The following CACNG2 variants were observed in gnomAD, a reference collection of about 807,000 sequenced individuals.
The protein encoded by CACNG2 is voltage-dependent calcium channel gamma-2 subunit.
A neutral mutation model predicts 25.9 loss-of-function variants in CACNG2; 3 were observed. That is an observed-to-expected ratio of 0.12 (90% CI 0.05 to 0.30). The LOEUF (loss-of-function observed/expected upper bound fraction) is 0.30. Ranked by LOEUF, CACNG2 falls within the 10% of genes least tolerant of loss-of-function variation. CACNG2 has a pLI of 1.00. For missense variants in CACNG2, 341 were observed against 432.5 expected, an observed-to-expected ratio of 0.79 and a Z score of 1.88; for synonymous variants, 167 against 173.3, an observed-to-expected ratio of 0.96 and a Z score of 0.29.
intron 1 of CACNG2, among the ~76,000 whole-genome samples, chr22:36,680,712 TCACCATCACCAC>T (rs1937108522): frequency 3.4e-5 from 4 of 118,328 alleles, no homozygotes; most frequent in African/African-American, 6.5e-5. Flanking sequence ...ACTACCACCA[TCACCATCACCAC>T]TACCATCACC....
intron 1 of CACNG2, among the ~76,000 whole-genome samples, chr22:36,668,872 T>C (rs1228085449): frequency 2.0e-5 from 3 of 152,136 alleles, no homozygotes; most frequent in Non-Finnish European, 2.9e-5. Context: ...CAGGAGAAGA[T>C]GGATGTCCCA....
At chr22:36,653,978 GTCTC>G (rs1189381417) in intron 1 of CACNG2, among the ~76,000 whole-genome samples, 6 of 77,416 alleles carry the variant, frequency 7.8e-5, no homozygotes, top group African/African-American at 3.1e-4. Flanking sequence ...GTGTGTGTGT[GTCTC>G]TGTGTGTGTG....
chr22:36,623,011 G>GATTTTTTTT (rs1569032646), intron 1 of CACNG2, among the ~76,000 whole-genome samples: 1 of 93,224 alleles, frequency 1.1e-5, no homozygotes, highest in African/African-American at 4.4e-5. Flanking sequence ...TCAAAACATG[G>GATTTTTTTT]GTTTTTTTTT....
intron 1 of CACNG2, among the ~76,000 whole-genome samples, chr22:36,669,348 G>GA (rs111647211): frequency 6.8e-5 from 10 of 148,012 alleles, no homozygotes; most frequent in East Asian, 2.0e-4. Context: ...CTAAAAATAC[G>GA]AAAAAAAAAA....
chr22:36,664,443 T>C (rs1031679115), intron 1 of CACNG2, among the ~76,000 whole-genome samples: 6 of 152,196 alleles, frequency 3.9e-5, no homozygotes, highest in African/African-American at 1.4e-4. Context: ...CTCGAGAGCG[T>C]CCCTGGGTGC....
intron 1 of CACNG2, among the ~76,000 whole-genome samples, chr22:36,631,737 C>CT (rs131828): frequency 0.27 from 30,701 of 115,244 alleles, 3,985 homozygotes; most frequent in Middle Eastern, 0.45. Context: ...GTGAGCAACT[C>CT]TTTTTTTTTT....
At chr22:36,645,491 C>G in intron 1 of CACNG2, among the ~76,000 whole-genome samples, 1 of 148,612 alleles carries the variant, frequency 6.7e-6, no homozygotes, top group South Asian at 2.2e-4. Flanking sequence ...GAGCTGAGAT[C>G]GCGCCACTGC....
intron 1 of CACNG2, among the ~76,000 whole-genome samples, chr22:36,699,740 C>T (rs911159886): frequency 6.6e-6 from 1 of 152,134 alleles, no homozygotes. Flanking sequence ...ACTTGATCTC[C>T]ATAGAGAGCG....
intron 1 of CACNG2, among the ~76,000 whole-genome samples, chr22:36,700,781 A>G (rs2146022870): frequency 6.6e-6 from 1 of 152,340 alleles, no homozygotes; most frequent in Middle Eastern, 3.4e-3. Flanking sequence ...AGTATTCAGC[A>G]TAGAGCTCCT....
At chr22:36,583,761 A>G (rs17735341) in intron 2 of CACNG2, among the ~76,000 whole-genome samples, 3,933 of 152,058 alleles carry the variant, frequency 0.026, 127 homozygotes, top group Admixed American at 0.085. Flanking sequence ...TCTGTTTCCA[A>G]CCGTCACTAC....
chr22:36,623,592 G>T (rs1039879989), intron 1 of CACNG2, among the ~76,000 whole-genome samples: 1 of 152,094 alleles, frequency 6.6e-6, no homozygotes, highest in Non-Finnish European at 1.5e-5. Context: ...GCCAGAGTCT[G>T]CCCCCGGTGA....
chr22:36,660,362 G>A (rs1405621426), intron 1 of CACNG2, among the ~76,000 whole-genome samples: 11 of 152,248 alleles, frequency 7.2e-5, no homozygotes, highest in Admixed American at 2.6e-4. Flanking sequence ...CTGCTCACCC[G>A]GCTTCAGCCC....
intron 1 of CACNG2, among the ~76,000 whole-genome samples, chr22:36,643,748 G>T (rs1039195267): frequency 6.6e-6 from 1 of 152,148 alleles, no homozygotes; most frequent in Admixed American, 6.5e-5. Flanking sequence ...GAATCTTATT[G>T]TTCAAGAAGG....
chr22:36,580,277 G>A (rs935168483), intron 2 of CACNG2, among the ~76,000 whole-genome samples: 16 of 152,024 alleles, frequency 1.1e-4, no homozygotes, highest in African/African-American at 3.6e-4. Context: ...GACGGCCATC[G>A]TATGGGTCCT....
Position 36,649,998 on chromosome 22 carries a change from T to C in CACNG2, c.211+52368A>G, listed in dbSNP as rs185038451. Among the ~76,000 whole-genome samples the C allele has an allele frequency of 2.6e-5, 4 of 152,318 alleles. No homozygotes were observed. The East Asian group carries it at 7.7e-4, about 29-fold the overall frequency. On this transcript the variant is annotated intron_variant, in intron 1 of 3. Transcript: ENST00000300105. ...CTGTGTCTCAAGAACCACTGTCCAC[T>C]TCTCACTTCTCCTGTGGCTATCCCA...
chr22:36,622,888 G>A (rs923694037), intron 1 of CACNG2, among the ~76,000 whole-genome samples: 3 of 151,370 alleles, frequency 2.0e-5, no homozygotes, highest in Non-Finnish European at 2.9e-5. Flanking sequence ...GAACCCGGGA[G>A]GCAGAGGTTG....
At chr22:36,675,638 A>G (rs1217817098) in intron 1 of CACNG2, among the ~76,000 whole-genome samples, 4 of 152,164 alleles carry the variant, frequency 2.6e-5, no homozygotes, top group African/African-American at 7.2e-5. Context: ...CCACCAGGGG[A>G]CGGCATGGTC....
intron 1 of CACNG2, among the ~76,000 whole-genome samples, chr22:36,604,830 T>G (rs1249497246): frequency 1.3e-5 from 2 of 152,100 alleles, no homozygotes; most frequent in African/African-American, 4.8e-5. Flanking sequence ...CAGGTTGGAG[T>G]GAAATGGCAC....
At chr22:36,638,163 A>C (rs754468362) in intron 1 of CACNG2, among the ~76,000 whole-genome samples, 4 of 152,026 alleles carry the variant, frequency 2.6e-5, no homozygotes, top group Non-Finnish European at 5.9e-5. Flanking sequence ...GCACCCACCC[A>C]TTTCTCATCA....
Sources: allele counts gnomAD v4.1 joint callset (sites outside exome capture counted in the v4.1 genomes callset), GRCh38; gene constraint gnomAD v4.1.1; transcripts MANE v1.5; gene names NCBI Gene and HGNC (gene_info 2026-07-23, HGNC 2026-07-21).